Variants in MS4A12 observed in about 807,000 individuals in gnomAD.
The protein encoded by MS4A12 is membrane-spanning 4-domains subfamily A member 12.
Under a neutral mutation model 23.7 loss-of-function variants are expected in MS4A12, and 28 were observed. That is an observed-to-expected ratio of 1.18 (90% CI 0.88 to 1.62). The LOEUF is 1.62. Among genes scored for constraint, MS4A12 ranks in the 40% most tolerant of loss-of-function variants. The pLI, the probability that MS4A12 is intolerant of heterozygous loss-of-function variation, is 0.00. For synonymous variants in MS4A12, 108 were observed against 110.1 expected, an observed-to-expected ratio of 0.98 and a Z score of 0.12; for missense variants, 342 against 327.0, an observed-to-expected ratio of 1.05 and a Z score of -0.35.
intron 3 of MS4A12, among the ~76,000 whole-genome samples, chr11:60,501,508 G>C (rs1360854752): frequency 1.3e-5 from 2 of 152,128 alleles, no homozygotes; most frequent in East Asian, 3.8e-4. Flanking sequence ...TGTATGTATT[G>C]GGTGGAGAGA....
chr11:60,504,104 A>G (rs1434215648), intron 5 of MS4A12, among the ~76,000 whole-genome samples: 4 of 152,278 alleles, frequency 2.6e-5, no homozygotes, highest in East Asian at 3.9e-4. Flanking sequence ...AAATTGTCCA[A>G]AAATTATTTT....
Position 60,497,416 on chromosome 11 carries a change from C to T in MS4A12, c.98C>T (p.Pro33Leu). The change falls in exon 2 of 7, where the codon CCT becomes CTT. Residue 33 changes from proline (P) to leucine (L), a missense_variant. By Grantham distance (98) the Pro-to-Leu change is moderately conservative (BLOSUM62 -3). Coordinates refer to ENST00000016913, the MANE Select transcript of MS4A12 (RefSeq NM_017716.3). ...TTTATGGCTCCTGGATTTCAACAGC[C>T]TCTGGGTTCAATCAACTTAGAAAAC... The part of the protein sequence containing the change: ...SSFMAPGFQQ[P>L]LGSINLENQA... 1 of 1,614,200 alleles carries T rather than the reference C, an allele frequency of 6.2e-7. No individual in the cohort carries two copies. The highest frequency in any genetic ancestry group is 2.2e-5 in the East Asian group (1 of 44,878).
intron 5 of MS4A12, among the ~76,000 whole-genome samples, chr11:60,506,279 C>T (rs976919717): frequency 6.6e-6 from 1 of 152,148 alleles, no homozygotes; most frequent in African/African-American, 2.4e-5. Context: ...TTTTTTCCCT[C>T]TCACGGCATC....
chr11:60,497,347 C>G lies in MS4A12; in HGVS notation c.29C>G (p.Ala10Gly), dbSNP rs12788393. MMSSKPTSH[A>G]EVNETIPNPY... The stretch of plus-strand genomic sequence containing the variant: ...ATGTCATCCAAGCCAACAAGCCATG[C>G]TGAAGTAAATGAAACCATACCCAAC... The change falls in exon 2 of 7, where the codon GCT becomes GGT. Residue 10 changes from alanine to glycine, a missense_variant. By Grantham distance (60) the Ala-to-Gly change is moderately conservative. Coordinates refer to ENST00000016913, the MANE Select transcript of MS4A12 (RefSeq NM_017716.3). 10 of 1,613,960 alleles carry G rather than the reference C, an allele frequency of 6.2e-6. No homozygotes were observed. The East Asian group carries it at 2.2e-4, about 36-fold the overall frequency.
chr11:60,494,030 G>A (rs2086469880), intron 1 of MS4A12, among the ~76,000 whole-genome samples: 1 of 152,152 alleles, frequency 6.6e-6, no homozygotes. Flanking sequence ...ACTGTCAAGA[G>A]AACAATCCTA....
intron 4 of MS4A12, among the ~76,000 whole-genome samples, chr11:60,502,895 G>A (rs987500837): frequency 4.6e-5 from 7 of 152,090 alleles, no homozygotes; most frequent in East Asian, 1.9e-4. Flanking sequence ...GGATCCTTCC[G>A]TCTAATTGAG....
At chr11:60,500,937 T>C in intron 2 of MS4A12, 108 bp from the exon 3 acceptor site, 1 of 1,291,950 alleles carries the variant, frequency 7.7e-7, no homozygotes, top group Non-Finnish European at 1.1e-6. Context: ...ATGACAACGA[T>C]GGATCTCAGC....
At chr11:60,505,818 C>A (rs574460244) in intron 5 of MS4A12, among the ~76,000 whole-genome samples, 14 of 152,270 alleles carry the variant, frequency 9.2e-5, no homozygotes, top group Admixed American at 3.9e-4. Flanking sequence ...AAGGGCAACA[C>A]CTTCCCATAC....
At chr11:60,506,460 G>C (rs577828248) in intron 5 of MS4A12, among the ~76,000 whole-genome samples, 8 of 151,864 alleles carry the variant, frequency 5.3e-5, no homozygotes, top group African/African-American at 1.9e-4. Flanking sequence ...AAAAAACAAC[G>C]AGGCCATCAC....
chr11:60,501,107 C>G lies in MS4A12; in HGVS notation c.339C>G (p.Ser113=), dbSNP rs2086526977. The part of the protein sequence containing the change: ...IGFGIVLCLI[S]FSFREVLGFA... ...TTGGAATTGTTTTGTGTTTAATATC[C>G]TTCTCTTTTAGAGAAGTATTAGGTT... The change falls in exon 3 of 7, where the codon TCC becomes TCG. Residue 113 remains serine, a synonymous_variant. Coordinates refer to ENST00000016913, the MANE Select transcript of MS4A12 (RefSeq NM_017716.3). 3 of 1,613,290 alleles carry G rather than the reference C, an allele frequency of 1.9e-6. No homozygotes were observed. The highest frequency in any genetic ancestry group is 2.5e-6 in the Non-Finnish European group (3 of 1,179,762).
chr11:60,503,500 T>C (rs1340541047), intron 4 of MS4A12, among the ~76,000 whole-genome samples: 11 of 152,166 alleles, frequency 7.2e-5, no homozygotes. Flanking sequence ...TCTACAGCTT[T>C]TTAGAAGTAC....
intron 1 of MS4A12, among the ~76,000 whole-genome samples, chr11:60,493,200 A>C (rs1053117192): frequency 2.6e-5 from 4 of 151,926 alleles, no homozygotes; most frequent in Non-Finnish European, 5.9e-5. Context: ...ACATGGTGAA[A>C]CCCCATCTCC....
chr11:60,501,043 A>C lies in MS4A12; in HGVS notation c.277-2A>C. 1.3e-6 allele frequency: 2 copies of C among 1,589,930 alleles called. No homozygotes were observed. The highest frequency in any genetic ancestry group is 1.7e-6 in the Non-Finnish European group (2 of 1,172,750). ...TTTTAAATGGCTGTTTTCTTTTTTC[A>C]GGTGATCCAGATCATGGTTGGATTG... On this transcript the variant is annotated splice_acceptor_variant, in intron 2 of 6. Transcript: ENST00000016913. LOFTEE classifies it high-confidence loss of function.
chr11:60,497,729 G>A (rs1024707641), intron 2 of MS4A12, 135 bp downstream of exon 2: 28 of 1,022,348 alleles, frequency 2.7e-5, no homozygotes, highest in Non-Finnish European at 3.4e-5. Context: ...GAAATATTTA[G>A]TCTGCCTATA....
intron 4 of MS4A12, 83 bp downstream of exon 4, chr11:60,502,122 G>C (rs1447969621): frequency 3.6e-6 from 5 of 1,397,852 alleles, no homozygotes; most frequent in Non-Finnish European, 5.0e-6. Flanking sequence ...AGCTGGATTT[G>C]GGAAATGCAA....
Position 60,501,973 on chromosome 11 carries a change from A to G in MS4A12, c.415-10A>G. On this transcript the variant is annotated splice_polypyrimidine_tract_variant and intron_variant, in intron 3 of 6. Transcript: ENST00000016913. ...ACCCATTTCACAAATAAATTTGTCC[A>G]TTTCCACAGTTTATTATCTCTGGCT... 1.2e-6 allele frequency: 2 copies of G among 1,609,042 alleles called. No homozygotes were observed. The highest frequency in any genetic ancestry group is 1.1e-5 in the South Asian group (1 of 90,442).
At chr11:60,505,901 C>T (rs563588287) in intron 5 of MS4A12, among the ~76,000 whole-genome samples, 1 of 152,274 alleles carries the variant, frequency 6.6e-6, no homozygotes, top group South Asian at 2.1e-4. Context: ...AACCTCCAGC[C>T]AAGGAGCAGG....
At chr11:60,497,057 C>T (rs1458843101) in intron 1 of MS4A12, among the ~76,000 whole-genome samples, 1 of 152,204 alleles carries the variant, frequency 6.6e-6, no homozygotes, top group Non-Finnish European at 1.5e-5. Context: ...GGAGGCAGAG[C>T]TCAGGCAGTA....
chr11:60,497,097 G>A (rs752198925), intron 1 of MS4A12, among the ~76,000 whole-genome samples: 1 of 152,178 alleles, frequency 6.6e-6, no homozygotes, highest in Non-Finnish European at 1.5e-5. Flanking sequence ...CTCATGTAGT[G>A]CAGCCAGGTT....
Sources: gnomAD v4.1 joint callset for allele counts (sites outside exome capture counted in the v4.1 genomes callset) on GRCh38, gnomAD v4.1.1 for gene constraint, MANE v1.5 for transcripts, NCBI Gene and HGNC (gene_info 2026-07-23, HGNC 2026-07-21) for gene names.